The following SLC6A3 variants were observed in gnomAD, a reference collection of about 807,000 sequenced individuals.
SLC6A3 encodes the protein solute carrier family 6 member 3, also known as sodium-dependent dopamine transporter.
A neutral mutation model predicts 70.4 loss-of-function variants in SLC6A3; 19 were observed. That is an observed-to-expected ratio of 0.27 (90% CI 0.19 to 0.40). SLC6A3 has a LOEUF of 0.40. Ranked by LOEUF, SLC6A3 falls within the 10% of genes least tolerant of loss-of-function variation. The pLI, the probability that SLC6A3 is intolerant of heterozygous loss-of-function variation, is 1.00. For missense variants in SLC6A3, 613 were observed against 838.5 expected (o/e 0.73, Z 3.32); for synonymous variants, 368 against 356.6 (o/e 1.03, Z -0.36).
intron 4 of SLC6A3, among the ~76,000 whole-genome samples, chr5:1,431,499 G>A (rs923269990): frequency 3.3e-5 from 5 of 151,014 alleles, no homozygotes; most frequent in African/African-American, 9.8e-5. Context: ...AGGCCTGGCC[G>A]GGGTGGATAG....
At chr5:1,439,644 G>A (rs574906114) in intron 3 of SLC6A3, among the ~76,000 whole-genome samples, 17 of 152,216 alleles carry the variant, frequency 1.1e-4, no homozygotes, top group Non-Finnish European at 2.1e-4. Context: ...TCCTGGGGCC[G>A]TGCTGGGCTC....
At chr5:1,398,631 C>A (rs1004839224) in intron 14 of SLC6A3, among the ~76,000 whole-genome samples, 1 of 152,158 alleles carries the variant, frequency 6.6e-6, no homozygotes, top group African/African-American at 2.4e-5. Context: ...ACACTTAAAT[C>A]TTAAGGTTAC....
At chr5:1,417,421 C>T (rs1048039454) in intron 6 of SLC6A3, among the ~76,000 whole-genome samples, 1 of 152,220 alleles carries the variant, frequency 6.6e-6, no homozygotes, top group South Asian at 2.1e-4. Flanking sequence ...TGGACGCACA[C>T]CAGCAATGCC....
chr5:1,439,597 G>A (rs1474422136), intron 3 of SLC6A3, among the ~76,000 whole-genome samples: 5 of 152,176 alleles, frequency 3.3e-5, no homozygotes, highest in Admixed American at 1.3e-4. Flanking sequence ...TCAGCGGCTC[G>A]CCTCTGAAGG....
chr5:1,441,329 C>G, intron 3 of SLC6A3, 30 bp downstream of exon 3: 2 of 1,613,856 alleles, frequency 1.2e-6, no homozygotes, highest in Non-Finnish European at 1.7e-6. Flanking sequence ...CCGCGCTGCG[C>G]CAGGGTGAAG....
At chr5:1,407,742 G>A (rs1756018357) in intron 11 of SLC6A3, among the ~76,000 whole-genome samples, 1 of 152,228 alleles carries the variant, frequency 6.6e-6, no homozygotes, top group South Asian at 2.1e-4. Context: ...GAAAGTGATA[G>A]ACAAAGTATT....
intron 6 of SLC6A3, 148 bp from the exon 7 acceptor site, chr5:1,416,349 G>T (rs141140029): frequency 5.5e-4 from 385 of 695,912 alleles, no homozygotes; most frequent in Non-Finnish European, 8.9e-4. Flanking sequence ...GACGACTGGT[G>T]GAAGATGCAG....
Position 1,408,172 on chromosome 5 carries a change from G to A in SLC6A3, c.1498+854C>T, listed in dbSNP as rs192112377. ...AATCTACAGCCTCCTGACTAGCTGG[G>A]ATTATAGCCTTGTGCCACCACACCC... On this transcript the variant is annotated intron_variant, in intron 11 of 14. Transcript: ENST00000270349. The surrounding 1 kb of genome is among the most constrained non-coding windows in gnomAD (Gnocchi z 6.4). Among the ~76,000 whole-genome samples the A allele has an allele frequency of 1.2e-4, 18 of 150,782 alleles. No homozygotes were observed. The East Asian group carries it at 3.1e-3, about 26-fold the overall frequency.
At chr5:1,417,859 G>A (rs1756344260) in intron 6 of SLC6A3, among the ~76,000 whole-genome samples, 2 of 152,248 alleles carry the variant, frequency 1.3e-5, no homozygotes, top group Admixed American at 1.3e-4. Flanking sequence ...GGCCAGGTGG[G>A]TCTCAGGGCA....
Position 1,394,353 on chromosome 5 carries a change from C to G in SLC6A3, c.*382G>C. On this transcript the variant is annotated 3_prime_UTR_variant, in exon 15 of 15. Transcript: ENST00000270349. The surrounding 1 kb of genome is among the most constrained non-coding windows in gnomAD (Gnocchi z 4.7). ...CGGGGATTCTCAGCAGGTGCGTCTA[C>G]AAGGATCGTGATCCCCGCCTGAGAA... The G allele has an allele frequency of 2.4e-6, 1 of 409,950 alleles. No individual in the cohort carries two copies. The highest frequency in any genetic ancestry group is 4.5e-6 in the Non-Finnish European group (1 of 221,426). The allele number at this position is 409,950 out of a possible 1,614,324, so 25.4% of individuals were successfully genotyped here. A position where few individuals can be genotyped will look rare whatever the true frequency, so the allele number is the denominator to read the frequency against.
At chr5:1,445,283 C>A (rs2126420288) in intron 1 of SLC6A3, 65 bp downstream of exon 1, 1 of 152,742 alleles carries the variant, frequency 6.5e-6, no homozygotes. Context: ...CCCGCCCCTG[C>A]GCCCCACTTC....
chr5:1,414,598 G>T, intron 8 of SLC6A3, 93 bp downstream of exon 8: 2 of 1,468,060 alleles, frequency 1.4e-6, no homozygotes, highest in Non-Finnish European at 1.9e-6. Flanking sequence ...GGGCCCATGC[G>T]TCTCCTTCCT....
chr5:1,400,946 A>C lies in SLC6A3; in HGVS notation c.1808T>G (p.Leu603Arg), dbSNP rs1374375538. 5 of 1,596,898 alleles carry C rather than the reference A, an allele frequency of 3.1e-6. No homozygotes were observed. Among genetic ancestry groups the C allele is most frequent in the Non-Finnish European group, 4.3e-6 (5 of 1,169,870 alleles). ...CTGGCGCACCTCCCCTCTGTCCACC[A>C]GCTCACGGTCCTTCTCGGGTGCAAT... ...YAIAPEKDRE[L>R]VDRGEVRQFT... Residue 603 changes from leucine to arginine, a missense_variant, in exon 14 of 15, where the codon CTG (leucine) becomes CGG (arginine). Leu to Arg is a moderately radical substitution (Grantham distance 102). This residue lies in a region of SLC6A3 where 348 missense variants were observed against 481.2 expected (regional missense o/e 0.72). Transcript: ENST00000270349.
chr5:1,441,280 G>T (rs1000835292), intron 3 of SLC6A3, 79 bp downstream of exon 3: 2 of 1,576,298 alleles, frequency 1.3e-6, no homozygotes, highest in Non-Finnish European at 1.7e-6. Flanking sequence ...CCATGATGCG[G>T]CTGGCTTGCT....
chr5:1,433,670 CA>C (rs1341987202), intron 3 of SLC6A3, among the ~76,000 whole-genome samples: 1 of 152,116 alleles, frequency 6.6e-6, no homozygotes, highest in Non-Finnish European at 1.5e-5. Context: ...AATCCACTGT[CA>C]TTCACAACCA....
At chr5:1,417,600 C>T (rs1365215902) in intron 6 of SLC6A3, among the ~76,000 whole-genome samples, 1 of 152,210 alleles carries the variant, frequency 6.6e-6, no homozygotes, top group African/African-American at 2.4e-5. Flanking sequence ...ACGATTGGAC[C>T]ATTGTGGTAT....
chr5:1,412,916 G>A (rs187735365), intron 8 of SLC6A3, among the ~76,000 whole-genome samples: 4 of 152,236 alleles, frequency 2.6e-5, no homozygotes, highest in Admixed American at 6.5e-5. Context: ...CGCGTGGGGT[G>A]GGGGAGGCAG....
chr5:1,433,746 T>C (rs1198305744), intron 3 of SLC6A3, among the ~76,000 whole-genome samples: 3 of 149,544 alleles, frequency 2.0e-5, no homozygotes, highest in African/African-American at 7.5e-5. Context: ...CAACCATTCA[T>C]GGCCACCCAC....
rs1756072249 is a variant in SLC6A3 at position 1,409,839 on chromosome 5, A to G, written c.1280T>C (p.Met427Thr). 3 of 1,613,304 alleles carry G rather than the reference A, an allele frequency of 1.9e-6. No individual in the cohort carries two copies. The highest frequency in any genetic ancestry group is 2.5e-6 in the Non-Finnish European group (3 of 1,180,014). The change falls in exon 10 of 15, where the codon ATG becomes ACG. Residue 427 changes from methionine to threonine, a missense_variant. By Grantham distance (81) the Met-to-Thr change is moderately conservative. Coordinates refer to ENST00000270349, the MANE Select transcript of SLC6A3 (RefSeq NM_001044.5). Reference sequence around the variant, plus strand: ...GATGAGCCCGGTGATCACTGACTCCATACCACCCATCTGCACACAGAGCAC... The same window carrying G: ...GATGAGCCCGGTGATCACTGACTCCGTACCACCCATCTGCACACAGAGCAC... ...TLGIDSAMGG[M>T]ESVITGLIDE... is the part of the protein sequence containing the mutation.
Sources: gnomAD v4.1 joint callset for allele counts (sites outside exome capture counted in the v4.1 genomes callset) on GRCh38, gnomAD v4.1.1 for gene constraint, gnomAD v4.1.1 regional missense constraint, Gnocchi (gnomAD v3.1) non-coding constraint, MANE v1.5 for transcripts, NCBI Gene and HGNC (gene_info 2026-07-23, HGNC 2026-07-21) for gene names.